Variants in GRIA4 observed in about 807,000 individuals in gnomAD.
GRIA4 encodes glutamate ionotropic receptor AMPA type subunit 4, also known as glutamate receptor 4.
GRIA4 carries 34 observed loss-of-function variants against 104.0 expected under a neutral mutation model. That is an observed-to-expected ratio of 0.33 (90% confidence interval 0.25 to 0.44). GRIA4 has a LOEUF of 0.44. Among genes scored for constraint, GRIA4 ranks in the 20% least tolerant of loss-of-function variants. GRIA4 has a pLI of 1.00. For missense variants in GRIA4, 750 were observed against 1,096.5 expected (o/e 0.68, Z 4.46); for synonymous variants, 386 against 381.9 (o/e 1.01, Z -0.13).
intron 5 of GRIA4, among the ~76,000 whole-genome samples, chr11:105,879,599 T>A (rs1022530257): frequency 2.0e-5 from 3 of 152,240 alleles, no homozygotes; most frequent in Non-Finnish European, 4.4e-5. Flanking sequence ...AAAGTTTACC[T>A]GATAATTCTC....
At chr11:105,612,011 G>A (rs1265963453) in intron 2 of GRIA4, among the ~76,000 whole-genome samples, 1 of 152,118 alleles carries the variant, frequency 6.6e-6, no homozygotes, top group Non-Finnish European at 1.5e-5. Flanking sequence ...TCAGGGGGAG[G>A]GCAAGGGAGA....
At chr11:105,671,932 C>G (rs775407584) in intron 3 of GRIA4, among the ~76,000 whole-genome samples, 31 of 152,138 alleles carry the variant, frequency 2.0e-4, no homozygotes, top group Non-Finnish European at 3.8e-4. Context: ...TTAACAACCA[C>G]AATCAGGGGA....
intron 13 of GRIA4, among the ~76,000 whole-genome samples, chr11:105,930,244 C>A (rs1377528505): frequency 1.3e-5 from 2 of 152,086 alleles, no homozygotes; most frequent in African/African-American, 2.4e-5. Context: ...TACTTCCAGT[C>A]CTACGCCCCT....
At chr11:105,760,009 C>T (rs1326157781) in intron 4 of GRIA4, among the ~76,000 whole-genome samples, 1 of 152,098 alleles carries the variant, frequency 6.6e-6, no homozygotes, top group African/African-American at 2.4e-5. Context: ...CTCAATTCCA[C>T]TTATATAACA....
intron 14 of GRIA4, among the ~76,000 whole-genome samples, chr11:105,961,894 A>C (rs1346601562): frequency 6.6e-6 from 1 of 152,212 alleles, no homozygotes; most frequent in Non-Finnish European, 1.5e-5. Flanking sequence ...TCATCCTATT[A>C]AGTGAGATGG....
intron 3 of GRIA4, among the ~76,000 whole-genome samples, chr11:105,641,456 T>A (rs1951356733): frequency 6.6e-6 from 1 of 152,170 alleles, no homozygotes; most frequent in African/African-American, 2.4e-5. Context: ...AAGACTAGAA[T>A]ATAGAGTGTA....
chr11:105,661,604 G>A (rs1488076856), intron 3 of GRIA4, among the ~76,000 whole-genome samples: 2 of 151,538 alleles, frequency 1.3e-5, no homozygotes, highest in African/African-American at 4.8e-5. Flanking sequence ...GAAATTCATG[G>A]TTAATTTTTT....
At chr11:105,634,468 GGA>G (rs1951135069) in intron 3 of GRIA4, among the ~76,000 whole-genome samples, 1 of 94,298 alleles carries the variant, frequency 1.1e-5, no homozygotes, top group African/African-American at 4.1e-5. Context: ...AGAAAGAAAG[GGA>G]AAGAAAGAAA....
At chr11:105,942,014 G>A (rs996724346) in intron 14 of GRIA4, among the ~76,000 whole-genome samples, 1 of 152,024 alleles carries the variant, frequency 6.6e-6, no homozygotes, top group African/African-American at 2.4e-5. Context: ...AATCATAAAA[G>A]CATTATCAGC....
chr11:105,647,512 AT>A (rs1222264372), intron 3 of GRIA4, among the ~76,000 whole-genome samples: 3 of 152,176 alleles, frequency 2.0e-5, no homozygotes, highest in Admixed American at 2.0e-4. Flanking sequence ...CTGAAGCACT[AT>A]TCACAACAGC....
chr11:105,937,184 T>C (rs1486261301), intron 14 of GRIA4, among the ~76,000 whole-genome samples: 1 of 152,118 alleles, frequency 6.6e-6, no homozygotes, highest in Non-Finnish European at 1.5e-5. Flanking sequence ...AAATATACAG[T>C]TTCGATGGCA....
intron 4 of GRIA4, among the ~76,000 whole-genome samples, chr11:105,812,636 C>G (rs915965810): frequency 6.6e-6 from 1 of 152,132 alleles, no homozygotes; most frequent in Non-Finnish European, 1.5e-5. Flanking sequence ...CCTCTTTCCC[C>G]TCCACTTCCC....
At chr11:105,625,409 T>C (rs1950862007) in intron 3 of GRIA4, among the ~76,000 whole-genome samples, 2 of 152,132 alleles carry the variant, frequency 1.3e-5, no homozygotes, top group African/African-American at 4.8e-5. Flanking sequence ...AATTTTCTTA[T>C]GACTCACACT....
chr11:105,727,984 C>T lies in GRIA4; in HGVS notation c.248-24997C>T, dbSNP rs187820953. On this transcript the variant is annotated intron_variant, in intron 3 of 16. Coordinates refer to ENST00000282499, the MANE Select transcript of GRIA4 (RefSeq NM_000829.4). Reference sequence around the variant, plus strand: ...CAGCATCAACTAATGGGCAAAATAACGAGCTAGCATCATAATGACAGGATC... The same window carrying T: ...CAGCATCAACTAATGGGCAAAATAATGAGCTAGCATCATAATGACAGGATC... 4.7e-4 allele frequency among the ~76,000 whole-genome samples: 71 copies of T among 152,228 alleles called. 1 individual carries two copies. The highest frequency in any genetic ancestry group is 2.5e-3 in the East Asian group (13 of 5,166).
chr11:105,675,806 T>C (rs1238042874), intron 3 of GRIA4, among the ~76,000 whole-genome samples: 1 of 151,808 alleles, frequency 6.6e-6, no homozygotes, highest in Non-Finnish European at 1.5e-5. Flanking sequence ...TTGACAAATA[T>C]GGGAATCTCT....
chr11:105,695,230 G>T (rs1372436135), intron 3 of GRIA4, among the ~76,000 whole-genome samples: 1 of 152,102 alleles, frequency 6.6e-6, no homozygotes, highest in Non-Finnish European at 1.5e-5. Flanking sequence ...GGCCTCTCAG[G>T]TTTGTTGGTT....
intron 4 of GRIA4, among the ~76,000 whole-genome samples, chr11:105,856,758 C>A (rs1374683080): frequency 2.6e-5 from 4 of 152,056 alleles, no homozygotes; most frequent in African/African-American, 9.7e-5. Flanking sequence ...GTCATCTGAA[C>A]TAAATATGAA....
chr11:105,929,786 TAC>T (rs1390536617), intron 13 of GRIA4, among the ~76,000 whole-genome samples: 2 of 152,122 alleles, frequency 1.3e-5, no homozygotes, highest in Non-Finnish European at 2.9e-5. Context: ...ATGACATTTG[TAC>T]ACAGTTTCTA....
chr11:105,819,509 A>G (rs1038792071), intron 4 of GRIA4, among the ~76,000 whole-genome samples: 5 of 152,120 alleles, frequency 3.3e-5, no homozygotes, highest in Non-Finnish European at 7.4e-5. Flanking sequence ...ATACAATCTT[A>G]GGTATCGTTG....
Sources: allele counts gnomAD v4.1 joint callset (sites outside exome capture counted in the v4.1 genomes callset), GRCh38; gene constraint gnomAD v4.1.1; transcripts MANE v1.5; gene names NCBI Gene and HGNC (gene_info 2026-07-23, HGNC 2026-07-21).